Variants in RAP1GDS1 observed in about 807,000 individuals in gnomAD.
The protein encoded by RAP1GDS1 is RAP1, GTP-GDP dissociation stimulator 1.
A neutral mutation model predicts 71.1 loss-of-function variants in RAP1GDS1; 35 were observed. The ratio of observed to expected loss-of-function variants is 0.49; its 90% CI spans 0.38 to 0.65. The LOEUF is 0.65. Ranked by LOEUF, RAP1GDS1 falls within the 30% of genes least tolerant of loss-of-function variation. The probability of loss-of-function intolerance (pLI) is 0.00; values close to 1 mark genes in which losing one functional copy is unlikely to be tolerated. For synonymous variants in RAP1GDS1, 229 were observed against 243.1 expected, an observed-to-expected ratio of 0.94 and a Z score of 0.54; for missense variants, 663 against 706.1, an observed-to-expected ratio of 0.94 and a Z score of 0.69.
intron 2 of RAP1GDS1, among the ~76,000 whole-genome samples, chr4:98,296,330 A>G (rs1727745428): frequency 6.6e-6 from 1 of 152,150 alleles, no homozygotes; most frequent in Admixed American, 6.6e-5. Flanking sequence ...ATTGCATATT[A>G]CAAATGACTG....
intron 4 of RAP1GDS1, among the ~76,000 whole-genome samples, chr4:98,363,516 T>G: frequency 7.1e-6 from 1 of 141,022 alleles, no homozygotes; most frequent in South Asian, 2.2e-4. Context: ...GTGTAGTAAT[T>G]GTAAAGCCCT....
At chr4:98,283,343 TGTG>T (rs1313738396) in intron 1 of RAP1GDS1, among the ~76,000 whole-genome samples, 1 of 152,162 alleles carries the variant, frequency 6.6e-6, no homozygotes, top group Non-Finnish European at 1.5e-5. Flanking sequence ...GGGATGGTGA[TGTG>T]GTGGTAAGCT....
intron 8 of RAP1GDS1, 131 bp from the exon 9 acceptor site, chr4:98,417,236 A>G: frequency 2.1e-6 from 2 of 946,000 alleles, no homozygotes. Flanking sequence ...AAAAAGAATC[A>G]TTACTTTTCC....
In RAP1GDS1 at chr4:98,352,395, G is replaced by T. The variant is rs1737344297; in HGVS notation, c.236-81G>T. 2.1e-6 allele frequency: 3 copies of T among 1,442,616 alleles called. No homozygotes were observed. In the Admixed American group the frequency reaches 5.9e-5, roughly 28 times the overall value. The allele number at this position is 1,442,616 out of a possible 1,614,324, so 89.4% of individuals were successfully genotyped here. ...TTTTAAATACCACATATTAAAAGTA[G>T]GTATTTATTTTATTAGGGGAGATGA... On this transcript the variant is annotated intron_variant, in intron 3 of 14. Transcript: ENST00000408927.
Position 98,350,013 on chromosome 4 carries a change from A to G in RAP1GDS1, c.236-2463A>G, listed in dbSNP as rs116284972. Among the ~76,000 whole-genome samples, 1,125 of 152,282 alleles carry G rather than the reference A, an allele frequency of 7.4e-3. 14 individuals carry two copies. The highest frequency in any genetic ancestry group is 0.026 in the African/African-American group (1,064 of 41,578). On this transcript the variant is annotated intron_variant, in intron 3 of 14. Coordinates refer to ENST00000408927, the MANE Select transcript of RAP1GDS1 (RefSeq NM_001100427.2). ...ACAGTGACTGAAAGCTGAGGAATATATTAGCTTTGTTTTATCTTTATATGT... is the reference window on the plus strand; with the variant it reads ...ACAGTGACTGAAAGCTGAGGAATATGTTAGCTTTGTTTTATCTTTATATGT...
At chr4:98,329,017 A>C (rs550014948) in intron 2 of RAP1GDS1, among the ~76,000 whole-genome samples, 1 of 152,344 alleles carries the variant, frequency 6.6e-6, no homozygotes, top group South Asian at 2.1e-4. Context: ...ACTCACTGTG[A>C]GGCTGGGAAC....
intron 2 of RAP1GDS1, among the ~76,000 whole-genome samples, chr4:98,309,472 A>G (rs1490804270): frequency 6.6e-6 from 1 of 151,956 alleles, no homozygotes; most frequent in African/African-American, 2.4e-5. Flanking sequence ...ATATGTGAAT[A>G]TGCATGACCA....
At position 98,379,101 on chromosome 4, in the gene RAP1GDS1, C is replaced by A. The variant is rs755674358; in HGVS notation, c.446C>A (p.Pro149His). The change falls in exon 5 of 15, where the codon CCC (proline) becomes CAC (histidine). Residue 149 changes from proline (P) to histidine (H), a missense_variant. Transcript: ENST00000408927. ...HLRSLCSITD[P>H]ANEKLLTVFC... ...AGGTCACTGTGCAGTATAACAGATC[C>A]CGCCAATGAGAAGCTCTTGACTGTC... The A allele has an allele frequency of 5.0e-6, 8 of 1,610,472 alleles. No individual in the cohort carries two copies. In the African/African-American group the frequency reaches 6.7e-5, roughly 13 times the overall value.
At chr4:98,321,773 T>C (rs769715184) in intron 2 of RAP1GDS1, among the ~76,000 whole-genome samples, 1 of 123,164 alleles carries the variant, frequency 8.1e-6, no homozygotes, top group Non-Finnish European at 1.7e-5. Context: ...AAGGAAGCGC[T>C]AAACATGGAA....
intron 7 of RAP1GDS1, 52 bp from the exon 8 acceptor site, chr4:98,416,693 G>A (rs1311559045): frequency 7.3e-6 from 11 of 1,504,902 alleles, no homozygotes; most frequent in Non-Finnish European, 1.0e-5. Context: ...GCTTATACCA[G>A]AGCTCCTATT....
At chr4:98,392,804 T>C (rs890887671) in intron 6 of RAP1GDS1, among the ~76,000 whole-genome samples, 4 of 152,208 alleles carry the variant, frequency 2.6e-5, no homozygotes, top group African/African-American at 9.7e-5. Context: ...TTTCATGAAA[T>C]CTCAAAACAT....
Position 98,269,198 on chromosome 4 carries a change from C to T in RAP1GDS1, c.4+7629C>T, listed in dbSNP as rs927773094. ...CAAAAAAAAAAAAAAAAAAAAAAGC[C>T]AAGGAAACACAATGGGGACAGGACA... is the stretch of plus-strand genomic sequence containing the variant. On this transcript the variant is annotated intron_variant, in intron 1 of 14. Transcript: ENST00000408927. 3.3e-5 allele frequency among the ~76,000 whole-genome samples: 4 copies of T among 122,906 alleles called. No individual in the cohort carries two copies. In the South Asian group the frequency reaches 7.6e-4, roughly 23 times the overall value. 80.6% of individuals were successfully genotyped at this position (122,906 alleles called of 152,430 possible).
chr4:98,281,420 G>A (rs1034418685), intron 1 of RAP1GDS1, among the ~76,000 whole-genome samples: 7 of 152,092 alleles, frequency 4.6e-5, no homozygotes, highest in African/African-American at 1.7e-4. Context: ...GTCTGTTATT[G>A]GTGTATAGGA....
chr4:98,443,033 T>TTC lies in RAP1GDS1; in HGVS notation c.*917_*918insCT. On this transcript the variant is annotated 3_prime_UTR_variant, in exon 15 of 15. Transcript: ENST00000408927. ...GAATGGAATTTTTTTTTTTTTTTTT[T>TTC]TTTTTGCTGTTTTTCATCATTCAGC... The TTC allele has an allele frequency of 4.6e-6, 1 of 215,842 alleles. No individual in the cohort carries two copies. The highest frequency in any genetic ancestry group is 2.3e-5 in the African/African-American group (1 of 43,250). The allele number at this position is 215,842 out of a possible 1,614,324, so 13.4% of individuals were successfully genotyped here. A position where few individuals can be genotyped will look rare whatever the true frequency, so the allele number is the denominator to read the frequency against.
chr4:98,338,185 G>A (rs1734971272), intron 2 of RAP1GDS1, among the ~76,000 whole-genome samples: 1 of 152,122 alleles, frequency 6.6e-6, no homozygotes. Context: ...GGGGTAGGAA[G>A]CTATTTACTA....
intron 2 of RAP1GDS1, among the ~76,000 whole-genome samples, chr4:98,338,537 C>G (rs914064515): frequency 2.0e-4 from 31 of 152,134 alleles, no homozygotes; most frequent in African/African-American, 7.5e-4. Context: ...CCATGGCCCC[C>G]CTTTGATTCA....
intron 2 of RAP1GDS1, among the ~76,000 whole-genome samples, chr4:98,307,128 A>ATT (rs897633360): frequency 7.4e-5 from 11 of 148,670 alleles, no homozygotes; most frequent in African/African-American, 2.7e-4. Flanking sequence ...ACTTAATTGT[A>ATT]TTTTTTTTTT....
intron 2 of RAP1GDS1, among the ~76,000 whole-genome samples, chr4:98,336,767 T>G (rs578041990): frequency 6.6e-6 from 1 of 152,302 alleles, no homozygotes; most frequent in East Asian, 1.9e-4. Context: ...CCACCTCCAC[T>G]GCAAACACTT....
At chr4:98,333,251 T>A (rs1326307027) in intron 2 of RAP1GDS1, among the ~76,000 whole-genome samples, 2 of 152,046 alleles carry the variant, frequency 1.3e-5, no homozygotes, top group African/African-American at 4.8e-5. Context: ...GCGAATACAT[T>A]TTTATGCTTT....
Sources: gnomAD v4.1 joint callset for allele counts (sites outside exome capture counted in the v4.1 genomes callset) on GRCh38, gnomAD v4.1.1 for gene constraint, MANE v1.5 for transcripts, NCBI Gene and HGNC (gene_info 2026-07-23, HGNC 2026-07-21) for gene names.